Variants in MYO1A observed in about 807,000 individuals in gnomAD.
MYO1A encodes myosin IA.
MYO1A carries 127 observed loss-of-function variants against 138.5 expected under a neutral mutation model. The observed-to-expected ratio is 0.92, with a 90% CI of 0.79 to 1.06. The LOEUF is 1.06. MYO1A is among the 50% of genes least tolerant of loss of function. MYO1A has a pLI of 0.00. For missense variants in MYO1A, 1,211 were observed against 1,288.8 expected (o/e 0.94, Z 0.92); for synonymous variants, 477 against 497.5 (o/e 0.96, Z 0.55).
chr12:57,031,635 A>C (rs967568971), intron 22 of MYO1A, among the ~76,000 whole-genome samples: 1 of 152,204 alleles, frequency 6.6e-6, no homozygotes, highest in African/African-American at 2.4e-5. Flanking sequence ...GGAGCAAATA[A>C]AGGAGCAAAG....
intron 22 of MYO1A, among the ~76,000 whole-genome samples, chr12:57,035,897 T>A (rs2030516044): frequency 6.6e-6 from 1 of 152,220 alleles, no homozygotes; most frequent in Non-Finnish European, 1.5e-5. Context: ...ATTCGCCTAC[T>A]CTCACCCCAA....
chr12:57,032,745 G>C (rs1277177603), intron 22 of MYO1A, among the ~76,000 whole-genome samples: 1 of 152,172 alleles, frequency 6.6e-6, no homozygotes, highest in Non-Finnish European at 1.5e-5. Context: ...TCAGAGAGTA[G>C]GTCGGGGCAG....
intron 23 of MYO1A, 64 bp from the exon 24 acceptor site, chr12:57,030,380 T>G (rs1383592459): frequency 1.5e-6 from 2 of 1,292,098 alleles, no homozygotes; most frequent in African/African-American, 1.5e-5. Flanking sequence ...GGGAGGGAGG[T>G]GAGAAATATT....
At position 57,029,732 on chromosome 12, in the gene MYO1A, G is replaced by A. The variant is rs1428126081; in HGVS notation, c.2724+8C>T. The A allele has an allele frequency of 1.2e-6, 2 of 1,614,146 alleles. No homozygotes were observed. Among genetic ancestry groups the A allele is most frequent in the South Asian group, 2.2e-5 (2 of 91,082 alleles). On this transcript the variant is annotated splice_region_variant and intron_variant, in intron 25 of 27. Transcript: ENST00000300119. The stretch of plus-strand genomic sequence containing the variant: ...GCTGCGGGAGGAGTTCAGCCTGCAG[G>A]CCCTTACCTTGCCATTGCCACGATT...
Position 57,047,632 on chromosome 12 carries a change from T to G in MYO1A, c.320A>C (p.Lys107Thr), listed in dbSNP as rs753428043. Residue 107 changes from lysine to threonine, a missense_variant, in exon 4 of 28, where the codon AAG becomes ACG. Physicochemically the swap from Lys to Thr is moderately conservative, Grantham distance 78 (BLOSUM62 -1). Coordinates refer to ENST00000300119, the MANE Select transcript of MYO1A (RefSeq NM_005379.4). ...CCCCCAGCCAGGGGCCTCACCAGTCTTCCCTGATCCACTCTCGCCTGTGAT... is the reference window on the plus strand; with the variant it reads ...CCCCCAGCCAGGGGCCTCACCAGTCGTCCCTGATCCACTCTCGCCTGTGAT... ...ILITGESGSG[K>T]TEASKLVMSY... 1.9e-6 allele frequency: 3 copies of G among 1,614,214 alleles called. No individual in the cohort carries two copies. The Admixed American group carries it at 5.0e-5, about 27-fold the overall frequency.
At chr12:57,029,900 C>T (rs201497760) in intron 24 of MYO1A, 28 bp from the exon 25 acceptor site, 163 of 1,614,060 alleles carry the variant, frequency 1.0e-4, no homozygotes, top group African/African-American at 1.9e-4. Context: ...GTGTGCAGCG[C>T]GACAAGGCCC....
chr12:57,034,247 G>A (rs1040673883), intron 22 of MYO1A, among the ~76,000 whole-genome samples: 1 of 152,204 alleles, frequency 6.6e-6, no homozygotes, highest in Non-Finnish European at 1.5e-5. Flanking sequence ...CCCCCGGCAA[G>A]TTATTTAACC....
chr12:57,032,609 G>A (rs2030339027), intron 22 of MYO1A, among the ~76,000 whole-genome samples: 1 of 152,278 alleles, frequency 6.6e-6, no homozygotes, highest in East Asian at 1.9e-4. Context: ...CTTGAACCCG[G>A]GAGGTGGAGG....
At chr12:57,047,887 C>T in intron 3 of MYO1A, 102 bp downstream of exon 3, 6 of 1,559,634 alleles carry the variant, frequency 3.8e-6, no homozygotes, top group Non-Finnish European at 4.4e-6. Flanking sequence ...AAGGAAGGGG[C>T]AGCTGGAGAA....
At chr12:57,042,977 C>A in intron 12 of MYO1A, 95 bp downstream of exon 12, 1 of 1,193,062 alleles carries the variant, frequency 8.4e-7, no homozygotes, top group South Asian at 1.2e-5. Context: ...ATCCTCCCTA[C>A]TCTGCTCATC....
At chr12:57,041,047 C>T in intron 14 of MYO1A, 137 bp downstream of exon 14, 1 of 705,902 alleles carries the variant, frequency 1.4e-6, no homozygotes, top group Admixed American at 2.0e-5. Flanking sequence ...GAATGATCTA[C>T]TATGCAAGGG....
chr12:57,033,323 C>T (rs148609637), intron 22 of MYO1A, among the ~76,000 whole-genome samples: 90 of 152,220 alleles, frequency 5.9e-4, no homozygotes, highest in Admixed American at 8.5e-4. Context: ...TTTAGTCTGC[C>T]CCAATCTAGA....
chr12:57,047,618 G>A lies in MYO1A; in HGVS notation c.325+9C>T. On this transcript the variant is annotated intron_variant, in intron 4 of 27. Coordinates refer to ENST00000300119, the MANE Select transcript of MYO1A (RefSeq NM_005379.4). ...TGACTCCATGTGTTCCCCCAGCCAG[G>A]GGCCTCACCAGTCTTCCCTGATCCA... 4 of 1,614,054 alleles carry A rather than the reference G, an allele frequency of 2.5e-6. No homozygotes were observed. Among genetic ancestry groups the A allele is most frequent in the South Asian group, 1.1e-5 (1 of 91,086 alleles).
At chr12:57,031,006 G>A (rs758589587) in intron 23 of MYO1A, 34 bp downstream of exon 23, 19 of 1,609,146 alleles carry the variant, frequency 1.2e-5, no homozygotes, top group Middle Eastern at 2.0e-4. Context: ...AAAAAAAGAC[G>A]AAATGAGAGG....
At position 57,030,229 on chromosome 12, in the gene MYO1A, T is replaced by A; in HGVS notation, c.2572A>T (p.Lys858Ter). Reference sequence around the variant, plus strand: ...CCTCACCTCTGGGGATATGAAGCCTTCTTGCCCTTGAACAGTTCACTGGCA... The same window carrying A: ...CCTCACCTCTGGGGATATGAAGCCTACTTGCCCTTGAACAGTTCACTGGCA... The part of the protein sequence containing the change: ...LCASELFKGK[K>*]ASYPQSVPIP... Residue 858 changes from lysine to a stop codon, truncating the protein, a stop_gained, in exon 24 of 28, where the codon AAG (lysine) becomes TAG (stop). Transcript: ENST00000300119. LOFTEE classifies it high-confidence loss of function. The A allele has an allele frequency of 1.2e-6, 2 of 1,614,158 alleles. No individual in the cohort carries two copies. Among genetic ancestry groups the A allele is most frequent in the Non-Finnish European group, 1.7e-6 (2 of 1,179,992 alleles).
intron 17 of MYO1A, among the ~76,000 whole-genome samples, 165 bp downstream of exon 17, chr12:57,038,247 T>A (rs911550771): frequency 5.3e-5 from 8 of 152,214 alleles, no homozygotes; most frequent in African/African-American, 1.9e-4. Context: ...TCTGATGCTC[T>A]CCCCCTGTGG....
chr12:57,043,049 G>A (rs1175194595), intron 12 of MYO1A, 23 bp downstream of exon 12: 12 of 1,612,894 alleles, frequency 7.4e-6, no homozygotes, highest in Non-Finnish European at 9.3e-6. Flanking sequence ...GGAGAGCATG[G>A]AGAAAGCAGA....
At chr12:57,037,348 A>G (rs2030606187) in intron 19 of MYO1A, among the ~76,000 whole-genome samples, 200 bp downstream of exon 19, 1 of 152,200 alleles carries the variant, frequency 6.6e-6, no homozygotes, top group Admixed American at 6.5e-5. Context: ...GCCATGCAGC[A>G]CCAAGCTCCC....
chr12:57,041,288 C>T lies in MYO1A; in HGVS notation c.1165G>A (p.Asp389Asn), dbSNP rs1451711420. The T allele has an allele frequency of 1.2e-5, 19 of 1,613,698 alleles. No homozygotes were observed. The highest frequency in any genetic ancestry group is 1.6e-5 in the Non-Finnish European group (19 of 1,179,722). ...LDIYGFEILE[D>N]NSFEQFVINY... ...ATCACAAATTGCTCAAAGCTATTAT[C>T]CTGAGAGAGGGAGCACAGGTTAGAG... The change falls in exon 14 of 28, where the codon GAT (aspartate) becomes AAT (asparagine). Residue 389 changes from aspartate to asparagine, a missense_variant and splice_region_variant. Transcript: ENST00000300119.
Sources: allele counts gnomAD v4.1 joint callset (sites outside exome capture counted in the v4.1 genomes callset), GRCh38; gene constraint gnomAD v4.1.1; transcripts MANE v1.5; gene names NCBI Gene and HGNC (gene_info 2026-07-23, HGNC 2026-07-21).